Variants in TCF4 observed in about 807,000 individuals in gnomAD.
TCF4 encodes transcription factor 4.
In TCF4, 3 loss-of-function variants were observed where a neutral mutation model predicts 82.1. The observed-to-expected ratio is 0.04, with a 90% CI of 0.02 to 0.09. The LOEUF (loss-of-function observed/expected upper bound fraction) is 0.09. Among genes scored for constraint, TCF4 ranks in the 10% least tolerant of loss-of-function variants. The pLI is 1.00. For synonymous variants in TCF4, 276 were observed against 309.6 expected (o/e 0.89, Z 1.14); for missense variants, 518 against 852.7 (o/e 0.61, Z 4.89).
At chr18:55,347,395 T>C (rs2081412300) in intron 8 of TCF4, among the ~76,000 whole-genome samples, 1 of 152,116 alleles carries the variant, frequency 6.6e-6, no homozygotes. Flanking sequence ...AGGGACAGGC[T>C]TCCCCCCGAC....
At chr18:55,437,837 G>A (rs894643104) in intron 5 of TCF4, among the ~76,000 whole-genome samples, 2 of 152,174 alleles carry the variant, frequency 1.3e-5, no homozygotes, top group Non-Finnish European at 2.9e-5. Context: ...TCTCAAGAAT[G>A]TCACTCATCA....
chr18:55,565,991 GA>G (rs1445519270), intron 3 of TCF4, among the ~76,000 whole-genome samples: 1 of 149,504 alleles, frequency 6.7e-6, no homozygotes, highest in Non-Finnish European at 1.5e-5. Flanking sequence ...ACGAGGTCAG[GA>G]GATCGAGACC....
intron 3 of TCF4, among the ~76,000 whole-genome samples, chr18:55,465,717 C>T (rs530557946): frequency 2.0e-5 from 3 of 152,300 alleles, no homozygotes; most frequent in South Asian, 2.1e-4. Context: ...TTGTAGCCTA[C>T]ACGGTTCTCT....
chr18:55,594,990 C>T (rs945054561), intron 2 of TCF4, among the ~76,000 whole-genome samples: 4 of 152,176 alleles, frequency 2.6e-5, no homozygotes, highest in Non-Finnish European at 5.9e-5. Flanking sequence ...AAAATACTCT[C>T]TAGCTGACAA....
intron 3 of TCF4, among the ~76,000 whole-genome samples, chr18:55,480,298 C>T (rs879129365): frequency 1.8e-4 from 5 of 27,776 alleles, no homozygotes; most frequent in Admixed American, 4.7e-4. Context: ...AAAAAAAAAG[C>T]GGGGGGGCGG....
intron 8 of TCF4, among the ~76,000 whole-genome samples, chr18:55,343,047 C>T (rs755790785): frequency 2.0e-5 from 3 of 152,004 alleles, no homozygotes; most frequent in Non-Finnish European, 2.9e-5. Flanking sequence ...TCTCAGATGC[C>T]ATCAAAATAA....
At chr18:55,250,518 T>C (rs2054676779) in intron 15 of TCF4, among the ~76,000 whole-genome samples, 1 of 152,224 alleles carries the variant, frequency 6.6e-6, no homozygotes, top group Admixed American at 6.5e-5. Context: ...TTGGAGTTGA[T>C]GTGCTTGAGT....
chr18:55,501,421 T>A (rs2096700226), intron 3 of TCF4, among the ~76,000 whole-genome samples: 1 of 152,220 alleles, frequency 6.6e-6, no homozygotes, highest in South Asian at 2.1e-4. Flanking sequence ...TCAATAGTGT[T>A]CTCAATGGCT....
chr18:55,441,252 T>C (rs2095433554), intron 5 of TCF4, among the ~76,000 whole-genome samples: 1 of 152,246 alleles, frequency 6.6e-6, no homozygotes, highest in Non-Finnish European at 1.5e-5. Context: ...AGCTTCTAGC[T>C]GGATTATCAC....
chr18:55,596,853 G>C (rs1168163121), intron 2 of TCF4, among the ~76,000 whole-genome samples: 1 of 152,008 alleles, frequency 6.6e-6, no homozygotes. Context: ...TATAGCCACT[G>C]CTCAAGTAGA....
At chr18:55,414,855 A>G (rs1422928321) in intron 5 of TCF4, among the ~76,000 whole-genome samples, 1 of 152,188 alleles carries the variant, frequency 6.6e-6, no homozygotes, top group Non-Finnish European at 1.5e-5. Flanking sequence ...ACCATTCTCA[A>G]TGTCTGCCAG....
intron 3 of TCF4, among the ~76,000 whole-genome samples, chr18:55,566,303 C>T (rs952322647): frequency 1.3e-5 from 2 of 151,954 alleles, no homozygotes; most frequent in African/African-American, 4.8e-5. Context: ...AACGGAGATC[C>T]GGAAAGGTAG....
intron 3 of TCF4, among the ~76,000 whole-genome samples, chr18:55,522,472 T>C (rs2096941029): frequency 1.3e-5 from 2 of 152,172 alleles, no homozygotes; most frequent in African/African-American, 4.8e-5. Context: ...TTGACAGTTA[T>C]ATAAAATAGA....
At chr18:55,604,813 C>T (rs2147953081) in intron 2 of TCF4, among the ~76,000 whole-genome samples, 1 of 152,224 alleles carries the variant, frequency 6.6e-6, no homozygotes, top group South Asian at 2.1e-4. Context: ...GGACAGCCTC[C>T]TACTTGCTAC....
chr18:55,592,227 T>C (rs930396466), upstream of TCF4, among the ~76,000 whole-genome samples: 5 of 152,162 alleles, frequency 3.3e-5, no homozygotes, highest in Admixed American at 6.6e-5. Flanking sequence ...AATCCTCATA[T>C]AGAAGTATGT....
chr18:55,523,587 C>A (rs1461317599), intron 3 of TCF4, among the ~76,000 whole-genome samples: 1 of 151,904 alleles, frequency 6.6e-6, no homozygotes, highest in Non-Finnish European at 1.5e-5. Flanking sequence ...CAGTACTTAA[C>A]TAATAAGAGG....
intron 3 of TCF4, among the ~76,000 whole-genome samples, chr18:55,484,803 T>C (rs1386705075): frequency 6.6e-6 from 1 of 152,240 alleles, no homozygotes; most frequent in East Asian, 1.9e-4. Flanking sequence ...ACAATGACAC[T>C]GTTAGTTCTG....
rs867695403 is a variant in TCF4 at position 55,365,235 on chromosome 18, A to G, written c.370-14232T>C. Among the ~76,000 whole-genome samples the G allele has an allele frequency of 7.3e-4, 95 of 130,206 alleles. 1 individual carries two copies. The highest frequency in any genetic ancestry group is 1.7e-3 in the African/African-American group (55 of 31,750). 85.4% of individuals were successfully genotyped at this position (130,206 alleles called of 152,430 possible). A position where few individuals can be genotyped will look rare whatever the true frequency, so the allele number is the denominator to read the frequency against. On this transcript the variant is annotated intron_variant, in intron 6 of 19. Transcript: ENST00000354452. ...TATATATATGTGTGTGTGTGTGTGT[A>G]TATATATGTGTGTGTATATATATAT...
chr18:55,321,601 A>T (rs1459042425), intron 8 of TCF4: 1 of 1,534,354 alleles, frequency 6.5e-7, no homozygotes, highest in Non-Finnish European at 8.7e-7. Flanking sequence ...AATGATCACC[A>T]CCTAGGATGC....
Sources: allele counts gnomAD v4.1 joint callset (sites outside exome capture counted in the v4.1 genomes callset), GRCh38; gene constraint gnomAD v4.1.1; transcripts MANE v1.5; gene names NCBI Gene and HGNC (gene_info 2026-07-23, HGNC 2026-07-21).